The following PDE1C variants were observed in gnomAD, a reference collection of about 807,000 sequenced individuals.
The protein encoded by PDE1C is dual specificity calcium/calmodulin-dependent 3',5'-cyclic nucleotide phosphodiesterase 1C.
Under a neutral mutation model 93.1 loss-of-function variants are expected in PDE1C, and 62 were observed. That is an observed-to-expected ratio of 0.67 (90% CI 0.54 to 0.82). The LOEUF is 0.82. Among genes scored for constraint, PDE1C ranks in the 40% least tolerant of loss-of-function variants. PDE1C has a pLI of 0.00. For synonymous variants in PDE1C, 325 were observed against 310.1 expected (o/e 1.05, Z -0.50); for missense variants, 742 against 884.6 (o/e 0.84, Z 2.04).
In PDE1C at chr7:31,999,344, C is replaced by T. The variant is rs183945808; in HGVS notation, c.128+52210G>A. On this transcript the variant is annotated intron_variant, in intron 2 of 17. Coordinates refer to ENST00000396191, the MANE Select transcript of PDE1C (RefSeq NM_001191057.4). ...ATAAGAACATATCACAGGTTGCACA[C>T]GCTCAAATTACACTTGGGAAAATGA... is the stretch of plus-strand genomic sequence containing the variant. Among the ~76,000 whole-genome samples, 35 of 152,304 alleles carry T rather than the reference C, an allele frequency of 2.3e-4. 2 individuals carry two copies. In the East Asian group the frequency reaches 5.0e-3, roughly 22 times the overall value.
At chr7:31,642,643 T>C in the PDE1C span, 1 of 1,582,796 alleles carries the variant, frequency 6.3e-7, no homozygotes, top group East Asian at 2.2e-5. Flanking sequence ...CCTCCTCCAC[T>C]TCCTGACCTG....
At chr7:31,759,499 C>A (rs919336937) in intron 17 of PDE1C, among the ~76,000 whole-genome samples, 1 of 152,176 alleles carries the variant, frequency 6.6e-6, no homozygotes, top group Admixed American at 6.5e-5. Context: ...ACTTCTTCCC[C>A]TTGGGGATAC....
At chr7:31,906,247 C>G (rs548864539) in intron 2 of PDE1C, among the ~76,000 whole-genome samples, 1 of 152,292 alleles carries the variant, frequency 6.6e-6, no homozygotes, top group South Asian at 2.1e-4. Flanking sequence ...CTTAAATCAT[C>G]TCACTTATTC....
the PDE1C span, among the ~76,000 whole-genome samples, chr7:31,715,395 C>A: frequency 1.3e-5 from 2 of 152,210 alleles, no homozygotes; most frequent in South Asian, 2.1e-4. Flanking sequence ...CCCAGCGCCA[C>A]GCCCAGCTAA....
chr7:31,707,474 G>A, the PDE1C span: 2 of 570,724 alleles, frequency 3.5e-6, no homozygotes, highest in Non-Finnish European at 6.2e-6. Flanking sequence ...TTCTGAGTAT[G>A]GTTTCTATTC....
intron 17 of PDE1C, among the ~76,000 whole-genome samples, chr7:31,757,243 T>C (rs1794524463): frequency 6.6e-6 from 1 of 152,188 alleles, no homozygotes; most frequent in Admixed American, 6.5e-5. Flanking sequence ...CATATGTGCA[T>C]AGGAAAATCT....
chr7:31,997,799 C>T (rs1310621257), intron 2 of PDE1C, among the ~76,000 whole-genome samples: 1 of 152,116 alleles, frequency 6.6e-6, no homozygotes, highest in Non-Finnish European at 1.5e-5. Flanking sequence ...AAAGCCATTT[C>T]TTTGTCTCAA....
intron 7 of PDE1C, among the ~76,000 whole-genome samples, chr7:31,863,048 G>C (rs1794864949): frequency 6.6e-6 from 1 of 152,072 alleles, no homozygotes; most frequent in African/African-American, 2.4e-5. Context: ...GTATTGCTTT[G>C]AATTTATAGA....
At chr7:32,094,862 C>A (rs772028933) in intron 3 of PDE1C, among the ~76,000 whole-genome samples, 5 of 152,132 alleles carry the variant, frequency 3.3e-5, no homozygotes, top group African/African-American at 7.2e-5. Context: ...TCCTCACCAG[C>A]CCTGCAAACT....
chr7:31,707,125 T>G, the PDE1C span: 1 of 1,349,430 alleles, frequency 7.4e-7, no homozygotes. Context: ...CCATGCTCCT[T>G]TGTACTGTGT....
At chr7:31,755,767 T>C (rs1186401975) in intron 17 of PDE1C, among the ~76,000 whole-genome samples, 1 of 152,168 alleles carries the variant, frequency 6.6e-6, no homozygotes, top group African/African-American at 2.4e-5. Context: ...ATTGAATAAA[T>C]AAATAATTGT....
At chr7:32,366,868 C>CAA (rs141845086) in intron 1 of PDE1C, among the ~76,000 whole-genome samples, 8 of 144,408 alleles carry the variant, frequency 5.5e-5, no homozygotes, top group Admixed American at 6.8e-5. Flanking sequence ...ACTAAAAATA[C>CAA]AAAAAAAAAA....
chr7:32,068,418 G>A (rs990752747), intron 1 of PDE1C, among the ~76,000 whole-genome samples: 4 of 152,172 alleles, frequency 2.6e-5, no homozygotes, highest in Non-Finnish European at 5.9e-5. Flanking sequence ...AGAAGAAGAA[G>A]TGGTAAGGAT....
chr7:32,093,991 G>C (rs949387498), intron 3 of PDE1C, among the ~76,000 whole-genome samples: 1 of 152,246 alleles, frequency 6.6e-6, no homozygotes, highest in Non-Finnish European at 1.5e-5. Flanking sequence ...CACTGACCCA[G>C]GAATAGATGG....
At chr7:32,112,842 GTGTGTATATATATATATA>G (rs1211025531) in intron 3 of PDE1C, among the ~76,000 whole-genome samples, 66 of 50,662 alleles carry the variant, frequency 1.3e-3, no homozygotes, top group African/African-American at 6.0e-3. Context: ...GTGTGTGTGT[GTGTGTATATATATATATA>G]TATATATATA....
At chr7:31,797,471 A>T (rs190071289) in intron 16 of PDE1C, among the ~76,000 whole-genome samples, 76 of 151,898 alleles carry the variant, frequency 5.0e-4, no homozygotes, top group Non-Finnish European at 9.4e-4. Context: ...CAGTGGCATG[A>T]CCACTAGTGA....
chr7:31,770,960 T>C (rs917314743), intron 17 of PDE1C, among the ~76,000 whole-genome samples: 1 of 152,246 alleles, frequency 6.6e-6, no homozygotes, highest in Non-Finnish European at 1.5e-5. Flanking sequence ...TAGTTTTCTC[T>C]TTTTTAAAAT....
At chr7:32,325,100 C>T (rs899498918) in intron 1 of PDE1C, among the ~76,000 whole-genome samples, 1 of 152,214 alleles carries the variant, frequency 6.6e-6, no homozygotes, top group Admixed American at 6.5e-5. Context: ...ACAAATAATA[C>T]GTTCATCAAA....
chr7:32,013,546 T>C (rs1261021012), intron 2 of PDE1C, among the ~76,000 whole-genome samples: 2 of 152,136 alleles, frequency 1.3e-5, no homozygotes, highest in African/African-American at 4.8e-5. Flanking sequence ...GGCTAGCAAC[T>C]TAGAACTTTT....
Sources: gnomAD v4.1 joint callset for allele counts (sites outside exome capture counted in the v4.1 genomes callset) on GRCh38, gnomAD v4.1.1 for gene constraint, MANE v1.5 for transcripts, NCBI Gene and HGNC (gene_info 2026-07-23, HGNC 2026-07-21) for gene names.